The following RALGPS1 variants were observed in gnomAD, a reference collection of about 807,000 sequenced individuals.
RALGPS1 encodes the protein Ral GEF with PH domain and SH3 binding motif 1.
RALGPS1 carries 19 observed loss-of-function variants against 78.8 expected under a neutral mutation model. The observed-to-expected ratio is 0.24, with a 90% CI of 0.17 to 0.35. RALGPS1 has a LOEUF of 0.35. RALGPS1 is among the 10% of genes least tolerant of loss of function. The probability of loss-of-function intolerance (pLI) is 1.00; values close to 1 mark genes in which losing one functional copy is unlikely to be tolerated. For missense variants in RALGPS1, 454 were observed against 688.3 expected (o/e 0.66, Z 3.81); for synonymous variants, 228 against 256.3 (o/e 0.89, Z 1.06).
At chr9:127,174,973 CTG>C (rs2059773817) in intron 11 of RALGPS1, among the ~76,000 whole-genome samples, 191 bp downstream of exon 11, 1 of 152,220 alleles carries the variant, frequency 6.6e-6, no homozygotes, top group Admixed American at 6.5e-5. Context: ...TGGTTCCCCT[CTG>C]TGCCGGGGCT....
At chr9:127,101,712 GTCT>G (rs1385905945) in intron 8 of RALGPS1, among the ~76,000 whole-genome samples, 1 of 152,194 alleles carries the variant, frequency 6.6e-6, no homozygotes, top group African/African-American at 2.4e-5. Context: ...TGCACATTAT[GTCT>G]GGGATGGTGC....
chr9:127,003,471 C>T (rs562397421), intron 4 of RALGPS1, among the ~76,000 whole-genome samples: 3 of 152,170 alleles, frequency 2.0e-5, no homozygotes, highest in African/African-American at 7.2e-5. Flanking sequence ...CATCACTGGC[C>T]ATCAGAGAAA....
At chr9:126,976,145 T>A (rs2040597325) in intron 3 of RALGPS1, among the ~76,000 whole-genome samples, 1 of 152,204 alleles carries the variant, frequency 6.6e-6, no homozygotes, top group Admixed American at 6.5e-5. Context: ...ATTTTAAACA[T>A]GTTCTTTAGA....
intron 4 of RALGPS1, among the ~76,000 whole-genome samples, chr9:127,008,832 A>G (rs1369283586): frequency 2.0e-5 from 3 of 152,214 alleles, no homozygotes; most frequent in Non-Finnish European, 2.9e-5. Flanking sequence ...GATCCTGGCT[A>G]GAACATAATC....
chr9:127,131,732 T>C (rs949514237), intron 8 of RALGPS1, among the ~76,000 whole-genome samples: 1 of 152,236 alleles, frequency 6.6e-6, no homozygotes, highest in Non-Finnish European at 1.5e-5. Flanking sequence ...TGTCTTCATC[T>C]GTAGGATCAT....
chr9:127,041,031 TTGTG>T lies in RALGPS1; in HGVS notation c.300+6549_300+6552del, dbSNP rs58541875. Among the ~76,000 whole-genome samples the T allele has an allele frequency of 1.1e-3, 156 of 135,822 alleles. 1 individual carries two copies. Among genetic ancestry groups the T allele is most frequent in the Middle Eastern group, 7.4e-3 (2 of 270 alleles). 89.1% of individuals were successfully genotyped at this position (135,822 alleles called of 152,430 possible). A position where few individuals can be genotyped will look rare whatever the true frequency, so the allele number is the denominator to read the frequency against. On this transcript the variant is annotated intron_variant, in intron 5 of 18. Transcript: ENST00000259351. ...CTATGAATAAAGCTGCTACAAACAT[TTGTG>T]TGTGTGTGTGTGTGTGTGTGTGTGT...
chr9:126,973,540 G>A (rs1472427608), intron 3 of RALGPS1, among the ~76,000 whole-genome samples: 1 of 152,178 alleles, frequency 6.6e-6, no homozygotes, highest in African/African-American at 2.4e-5. Flanking sequence ...AGAGACTTGT[G>A]ATTGGGACAA....
In RALGPS1 at chr9:127,219,003, C is replaced by T; in HGVS notation, c.*234C>T. 1 of 578,816 alleles carries T rather than the reference C, an allele frequency of 1.7e-6. No individual in the cohort carries two copies. The highest frequency in any genetic ancestry group is 1.9e-5 in the South Asian group (1 of 51,696). 35.9% of individuals were successfully genotyped at this position (578,816 alleles called of 1,614,324 possible). ...CATTCTGCAGCACCGCCTCTTGGGG[C>T]AGTGGTCAGACCCCACACGCCCTCT... On this transcript the variant is annotated 3_prime_UTR_variant, in exon 19 of 19. Transcript: ENST00000259351. This position sits in a 1 kb window ranked among gnomAD's most constrained non-coding sequence, Gnocchi z 5.0.
intron 7 of RALGPS1, among the ~76,000 whole-genome samples, chr9:127,066,604 C>G (rs561158920): frequency 1.3e-5 from 2 of 152,132 alleles, no homozygotes; most frequent in African/African-American, 4.8e-5. Context: ...TTGCACCACT[C>G]CTTTCCAGTC....
intron 1 of RALGPS1, chr9:126,915,321 G>C (rs1177393456): frequency 7.0e-6 from 1 of 143,192 alleles, no homozygotes; most frequent in African/African-American, 2.6e-5. Flanking sequence ...GGCTGCAGGT[G>C]CGGGGGGCGG....
chr9:127,001,761 G>A (rs147485898), intron 4 of RALGPS1, among the ~76,000 whole-genome samples: 6 of 152,262 alleles, frequency 3.9e-5, no homozygotes, highest in Non-Finnish European at 8.8e-5. Flanking sequence ...GCGTGTGCCT[G>A]TAATCCCAGC....
At chr9:127,103,765 T>C (rs1184032395) in intron 8 of RALGPS1, among the ~76,000 whole-genome samples, 1 of 152,168 alleles carries the variant, frequency 6.6e-6, no homozygotes. Flanking sequence ...TGGAACGTGG[T>C]ACCAGGAAGT....
chr9:127,162,400 A>G (rs907418296), intron 8 of RALGPS1, among the ~76,000 whole-genome samples: 1 of 152,248 alleles, frequency 6.6e-6, no homozygotes, highest in Non-Finnish European at 1.5e-5. Context: ...AGGCTTATAC[A>G]TATCTCTGTT....
intron 8 of RALGPS1, among the ~76,000 whole-genome samples, chr9:127,081,835 A>G (rs567049581): frequency 1.5e-4 from 23 of 152,352 alleles, no homozygotes; most frequent in South Asian, 6.2e-4. Context: ...AGCATGGGAC[A>G]GGCAGATGGC....
chr9:127,056,759 T>A (rs968122830), intron 7 of RALGPS1, among the ~76,000 whole-genome samples: 1 of 152,236 alleles, frequency 6.6e-6, no homozygotes, highest in African/African-American at 2.4e-5. Context: ...TTTCTCTGTA[T>A]CCTTGGTGCC....
At chr9:127,048,212 C>A (rs923292407) in intron 5 of RALGPS1, among the ~76,000 whole-genome samples, 3 of 152,112 alleles carry the variant, frequency 2.0e-5, no homozygotes, top group Admixed American at 6.5e-5. Flanking sequence ...TCGTCACTCA[C>A]AACCCCCACC....
chr9:127,167,959 A>T (rs73595460), intron 9 of RALGPS1, among the ~76,000 whole-genome samples: 1 of 152,192 alleles, frequency 6.6e-6, no homozygotes, highest in African/African-American at 2.4e-5. Flanking sequence ...GAAGCCTTCC[A>T]TCACCTGAAG....
intron 8 of RALGPS1, 197 bp downstream of exon 8, chr9:127,069,553 G>A (rs1014629833): frequency 7.2e-5 from 39 of 545,192 alleles, no homozygotes; most frequent in Non-Finnish European, 1.1e-4. Flanking sequence ...TGATATACAA[G>A]TGATGTTCTG....
At chr9:127,117,369 C>T (rs1476190447) in intron 8 of RALGPS1, among the ~76,000 whole-genome samples, 1 of 152,198 alleles carries the variant, frequency 6.6e-6, no homozygotes, top group Non-Finnish European at 1.5e-5. Flanking sequence ...AGGATGGCAC[C>T]TAGGTTACTA....
Sources: gnomAD v4.1 joint callset for allele counts (sites outside exome capture counted in the v4.1 genomes callset) on GRCh38, gnomAD v4.1.1 for gene constraint, Gnocchi (gnomAD v3.1) non-coding constraint, MANE v1.5 for transcripts, NCBI Gene and HGNC (gene_info 2026-07-23, HGNC 2026-07-21) for gene names.